The following RBM20 variants were observed in gnomAD, a reference collection of about 807,000 sequenced individuals.
The protein encoded by RBM20 is RNA-binding protein 20.
RBM20 carries 51 observed loss-of-function variants against 110.1 expected under a neutral mutation model. The ratio of observed to expected loss-of-function variants is 0.46; its 90% CI spans 0.37 to 0.59. The LOEUF is 0.59. Ranked by LOEUF, RBM20 falls within the 20% of genes least tolerant of loss-of-function variation. RBM20 has a pLI of 0.00. For missense variants in RBM20, 1,512 were observed against 1,574.9 expected (o/e 0.96, Z 0.68); for synonymous variants, 589 against 618.2 (o/e 0.95, Z 0.70).
intron 1 of RBM20, among the ~76,000 whole-genome samples, chr10:110,701,465 C>T (rs1041309794): frequency 5.9e-5 from 9 of 152,166 alleles, no homozygotes; most frequent in African/African-American, 1.7e-4. Context: ...TCATTTACCC[C>T]GTGTATGAGC....
intron 1 of RBM20, among the ~76,000 whole-genome samples, chr10:110,661,558 G>C (rs67416863): frequency 6.6e-6 from 1 of 152,016 alleles, no homozygotes; most frequent in Non-Finnish European, 1.5e-5. Flanking sequence ...CTCTGGGTAC[G>C]GATACAGAGA....
At chr10:110,716,198 A>G (rs970469047) in intron 1 of RBM20, among the ~76,000 whole-genome samples, 2 of 152,252 alleles carry the variant, frequency 1.3e-5, no homozygotes, top group African/African-American at 2.4e-5. Flanking sequence ...ATGAGGAGGT[A>G]GAATGGTAGG....
At chr10:110,777,504 T>C (rs1844281373) in intron 1 of RBM20, among the ~76,000 whole-genome samples, 1 of 152,230 alleles carries the variant, frequency 6.6e-6, no homozygotes. Flanking sequence ...GTGAAATCAC[T>C]TCTACTCAAG....
At chr10:110,752,629 G>A (rs1843868059) in intron 1 of RBM20, among the ~76,000 whole-genome samples, 1 of 152,016 alleles carries the variant, frequency 6.6e-6, no homozygotes, top group African/African-American at 2.4e-5. Context: ...TTTTTCCAAT[G>A]ATTTTTCATT....
chr10:110,647,503 CT>C (rs1861885500), intron 1 of RBM20, among the ~76,000 whole-genome samples: 1 of 151,876 alleles, frequency 6.6e-6, no homozygotes, highest in African/African-American at 2.4e-5. Flanking sequence ...TCCAAATTGG[CT>C]AATATAGAGG....
intron 1 of RBM20, among the ~76,000 whole-genome samples, chr10:110,751,391 A>G (rs1334576809): frequency 6.6e-6 from 1 of 152,240 alleles, no homozygotes. Flanking sequence ...TTCTGTGATG[A>G]CATACCACTC....
chr10:110,831,738 T>C (rs1285419423), intron 13 of RBM20, among the ~76,000 whole-genome samples: 1 of 149,082 alleles, frequency 6.7e-6, no homozygotes, highest in Non-Finnish European at 1.5e-5. Flanking sequence ...CAAATACTTA[T>C]CACAGGCATG....
At chr10:110,803,526 T>C (rs1844656981) in intron 7 of RBM20, among the ~76,000 whole-genome samples, 1 of 152,078 alleles carries the variant, frequency 6.6e-6, no homozygotes, top group Admixed American at 6.6e-5. Context: ...TCTAACGAGG[T>C]CCCAGGAGAT....
chr10:110,773,175 G>T (rs1455740612), intron 1 of RBM20, among the ~76,000 whole-genome samples: 1 of 152,206 alleles, frequency 6.6e-6, no homozygotes, highest in Non-Finnish European at 1.5e-5. Flanking sequence ...GAGAAATTTT[G>T]TTGATATCAG....
chr10:110,697,913 C>CT (rs1235614720), intron 1 of RBM20, among the ~76,000 whole-genome samples: 3,531 of 117,884 alleles, frequency 0.03, 124 homozygotes, highest in Admixed American at 0.083. Context: ...TTTTTTTTTT[C>CT]TTTTTTTTTT....
intron 1 of RBM20, among the ~76,000 whole-genome samples, chr10:110,684,424 C>CAAAACAAAAG (rs796315158): frequency 1.3e-5 from 2 of 151,222 alleles, no homozygotes; most frequent in East Asian, 1.9e-4. Flanking sequence ...CAAAACAAAA[C>CAAAACAAAAG]AAAAGAAAAA....
At chr10:110,676,060 A>G (rs1862334310) in intron 1 of RBM20, among the ~76,000 whole-genome samples, 1 of 152,204 alleles carries the variant, frequency 6.6e-6, no homozygotes, top group South Asian at 2.1e-4. Flanking sequence ...TGGGCGCTGG[A>G]TTTCTTCTTC....
intron 1 of RBM20, among the ~76,000 whole-genome samples, chr10:110,679,940 C>T (rs1862398518): frequency 6.6e-6 from 1 of 152,236 alleles, no homozygotes; most frequent in Admixed American, 6.5e-5. Flanking sequence ...TCGGCGGGCA[C>T]CTCAATCTCA....
intron 1 of RBM20, among the ~76,000 whole-genome samples, chr10:110,680,338 C>G (rs1862405246): frequency 6.6e-6 from 1 of 152,182 alleles, no homozygotes; most frequent in Admixed American, 6.5e-5. Flanking sequence ...GCTGTTTTCC[C>G]TGTCTGAATG....
intron 12 of RBM20, among the ~76,000 whole-genome samples, chr10:110,824,449 G>A (rs1844957705): frequency 6.6e-6 from 1 of 152,190 alleles, no homozygotes; most frequent in South Asian, 2.1e-4. Context: ...ATTGAACAGG[G>A]AGACCTGGGT....
rs75518326 is a variant in RBM20, at chr10:110,737,238, C to T, written c.192-43563C>T. ...CTCAAAAACAACAGAGCTTGTTCAC[C>T]CCTTCTACCATGTGAGTGGAGGCAG... On this transcript the variant is annotated intron_variant, in intron 1 of 13. Coordinates refer to ENST00000369519, the MANE Select transcript of RBM20 (RefSeq NM_001134363.3). Among the ~76,000 whole-genome samples the T allele has an allele frequency of 4.2e-3, 608 of 145,704 alleles. 5 individuals are homozygous for T. The highest frequency in any genetic ancestry group is 0.014 in the African/African-American group (563 of 39,298).
At chr10:110,831,012 C>T (rs1393471254) in intron 12 of RBM20, 49 bp from the exon 13 acceptor site, 3 of 1,506,998 alleles carry the variant, frequency 2.0e-6, no homozygotes, top group Non-Finnish European at 2.7e-6. Flanking sequence ...CAGGGGCCTG[C>T]CTCCCATGCC....
rs767827357 is a variant in RBM20, at chr10:110,799,866, G to A, written c.1748G>A (p.Gly583Asp). 2.6e-5 allele frequency: 41 copies of A among 1,551,984 alleles called. No individual in the cohort carries two copies. The highest frequency in any genetic ancestry group is 1.7e-4 in the Middle Eastern group (1 of 6,018). ...YYQEKSAVIN[G>D]EKLLIRMSKR... ...CAAGAAAAATCTGCTGTGATCAATG[G>A]TGAGAAGTTGCTCATTCGGATGTCC... The change falls in exon 7 of 14, where the codon GGT (glycine) becomes GAT (aspartate). Residue 583 changes from glycine to aspartate, a missense_variant. By Grantham distance (94) the Gly-to-Asp change is moderately conservative (BLOSUM62 -1). Around this residue, in one of 3 missense-constraint regions of RBM20, gnomAD observed 1,149 missense variants for 1,169.4 expected, o/e 0.98. Coordinates refer to ENST00000369519, the MANE Select transcript of RBM20 (RefSeq NM_001134363.3).
chr10:110,833,720 C>T (rs560249269), intron 13 of RBM20, among the ~76,000 whole-genome samples: 3 of 152,330 alleles, frequency 2.0e-5, no homozygotes, highest in Non-Finnish European at 1.5e-5. Flanking sequence ...CTCCCCTCCC[C>T]GCAGCAGGCC....
Sources: gnomAD v4.1 joint callset for allele counts (sites outside exome capture counted in the v4.1 genomes callset) on GRCh38, gnomAD v4.1.1 for gene constraint, gnomAD v4.1.1 regional missense constraint, MANE v1.5 for transcripts, NCBI Gene and HGNC (gene_info 2026-07-23, HGNC 2026-07-21) for gene names.